The following SLC25A14 variants were observed in gnomAD, a reference collection of about 807,000 sequenced individuals.
SLC25A14 encodes the protein brain mitochondrial carrier protein 1.
SLC25A14 carries 8 observed loss-of-function variants against 28.1 expected under a neutral mutation model. The observed-to-expected ratio is 0.28, with a 90% CI of 0.17 to 0.51. The LOEUF is 0.51. Among genes scored for constraint, SLC25A14 ranks in the 20% least tolerant of loss-of-function variants. The pLI is 0.97. For missense variants in SLC25A14, 135 were observed against 263.8 expected, an observed-to-expected ratio of 0.51 and a Z score of 3.38; for synonymous variants, 74 against 90.6, an observed-to-expected ratio of 0.82 and a Z score of 1.04.
At chrX:130,369,388 C>A (rs1486905101) in intron 9 of SLC25A14, among the ~76,000 whole-genome samples, 1 of 112,097 alleles carries the variant, frequency 8.9e-6, no homozygotes, top group Non-Finnish European at 1.9e-5. Context: ...ATTTCTTGCA[C>A]CAGACACTGT....
Position 130,358,653 on chromosome X carries a change from C to T in SLC25A14, c.512C>T (p.Ala171Val). Residue 171 changes from alanine to valine, a missense_variant, in exon 7 of 11, where the codon GCT becomes GTT. Ala to Val is a moderately conservative substitution (Grantham distance 64, BLOSUM62 0). Coordinates refer to ENST00000545805, the MANE Select transcript of SLC25A14 (RefSeq NM_001282195.2). The part of the protein sequence containing the change: ...PTDVLKIRMQ[A>V]QGSLFQGSMI... The stretch of plus-strand genomic sequence containing the variant: ...TTTTCATTTTAGATTCGAATGCAGG[C>T]TCAAGGAAGCTTGTTCCAAGGGAGC... The T allele has an allele frequency of 8.3e-7, 1 of 1,201,016 alleles. No homozygotes were observed. The highest frequency in any genetic ancestry group is 1.1e-6 in the Non-Finnish European group (1 of 887,119).
At chrX:130,362,401 T>C (rs908465095) in intron 7 of SLC25A14, among the ~76,000 whole-genome samples, 6 of 110,498 alleles carry the variant, frequency 5.4e-5, no homozygotes, top group African/African-American at 2.0e-4. Context: ...CTGAAAACTT[T>C]TTAATATAGT....
At chrX:130,350,780 T>C (rs1409918803) in intron 6 of SLC25A14, 49 bp downstream of exon 6, 1 of 847,751 alleles carries the variant, frequency 1.2e-6, no homozygotes, top group Admixed American at 2.6e-5. Context: ...TTGAGTCAGA[T>C]TTGGGTTCAG....
At chrX:130,340,401 A>T (rs1185376502) in intron 2 of SLC25A14, 48 bp downstream of exon 2, 5 of 1,193,398 alleles carry the variant, frequency 4.2e-6, no homozygotes, top group Non-Finnish European at 5.7e-6. Context: ...CTGTTGAAAG[A>T]TGCTCCCCTT....
At chrX:130,357,940 A>C (rs906934294) in intron 6 of SLC25A14, among the ~76,000 whole-genome samples, 4 of 112,281 alleles carry the variant, frequency 3.6e-5, no homozygotes, top group Non-Finnish European at 7.5e-5. Context: ...CACATTTTTC[A>C]TTTTTATAAT....
intron 3 of SLC25A14, among the ~76,000 whole-genome samples, chrX:130,345,920 T>C (rs1269036361): frequency 9.0e-6 from 1 of 111,427 alleles, no homozygotes; most frequent in Non-Finnish European, 1.9e-5. Context: ...TTTGTTGATG[T>C]AAGAGGTTTG....
chrX:130,364,567 C>T, intron 7 of SLC25A14, 61 bp from the exon 8 acceptor site: 2 of 912,700 alleles, frequency 2.2e-6, no homozygotes, highest in Non-Finnish European at 3.1e-6. Context: ...CTATTTTGTT[C>T]ACTCTAAGAC....
At chrX:130,365,458 G>C (rs1603265503) in intron 8 of SLC25A14, 83 bp from the exon 9 acceptor site, 3 of 1,177,880 alleles carry the variant, frequency 2.5e-6, no homozygotes, top group African/African-American at 1.7e-5. Flanking sequence ...GAGTTATATT[G>C]TACAGTTTAC....
intron 7 of SLC25A14, among the ~76,000 whole-genome samples, chrX:130,362,736 G>A (rs1569455130): frequency 8.9e-6 from 1 of 112,053 alleles, no homozygotes; most frequent in Non-Finnish European, 1.9e-5. Context: ...CTTCAAAAAT[G>A]TGACTTTTAA....
intron 2 of SLC25A14, among the ~76,000 whole-genome samples, chrX:130,343,857 G>A (rs1267619946): frequency 8.9e-6 from 1 of 112,080 alleles, no homozygotes; most frequent in African/African-American, 3.2e-5. Flanking sequence ...CTATGATATA[G>A]TTTTTATTAT....
At chrX:130,369,070 GC>G (rs1217995765) in intron 9 of SLC25A14, among the ~76,000 whole-genome samples, 1 of 112,059 alleles carries the variant, frequency 8.9e-6, no homozygotes, top group Non-Finnish European at 1.9e-5. Flanking sequence ...TCACACAACT[GC>G]CTTATGCCAA....
intron 9 of SLC25A14, among the ~76,000 whole-genome samples, chrX:130,368,939 T>G (rs1192652137): frequency 1.8e-5 from 2 of 112,691 alleles, no homozygotes; most frequent in Non-Finnish European, 3.7e-5. Flanking sequence ...TTTACTCACT[T>G]GCTACTAAAA....
chrX:130,355,025 C>G (rs762184202), intron 6 of SLC25A14, among the ~76,000 whole-genome samples: 1 of 112,224 alleles, frequency 8.9e-6, no homozygotes, highest in African/African-American at 3.2e-5. Context: ...AAGTACGGGT[C>G]TCGATCCAGG....
chrX:130,367,145 G>A (rs182752815), intron 9 of SLC25A14, among the ~76,000 whole-genome samples: 87 of 112,074 alleles, frequency 7.8e-4, no homozygotes, highest in Non-Finnish European at 1.3e-3. Flanking sequence ...ACCACACTTG[G>A]AGAACCACTG....
intron 9 of SLC25A14, among the ~76,000 whole-genome samples, chrX:130,368,396 CCA>C (rs747251321): frequency 9.0e-6 from 1 of 111,536 alleles, no homozygotes; most frequent in East Asian, 2.8e-4. Context: ...AGAGGCCCCC[CCA>C]CACACACACA....
intron 9 of SLC25A14, among the ~76,000 whole-genome samples, chrX:130,366,454 G>A (rs961169061): frequency 8.9e-6 from 1 of 111,996 alleles, no homozygotes; most frequent in South Asian, 3.7e-4. Flanking sequence ...AGACTTATGT[G>A]TATTCGTTCA....
At chrX:130,368,430 A>T (rs944541250) in intron 9 of SLC25A14, among the ~76,000 whole-genome samples, 1 of 112,222 alleles carries the variant, frequency 8.9e-6, no homozygotes, top group African/African-American at 3.2e-5. Flanking sequence ...TGTTTGTCTT[A>T]TGTGCTAAGC....
chrX:130,370,552 T>C (rs1412485783), intron 9 of SLC25A14, among the ~76,000 whole-genome samples: 2 of 112,017 alleles, frequency 1.8e-5, no homozygotes, highest in African/African-American at 6.5e-5. Context: ...AAGACCCCTG[T>C]TGTATAAAGT....
intron 5 of SLC25A14, among the ~76,000 whole-genome samples, chrX:130,350,043 G>A (rs775186792): frequency 9.9e-4 from 110 of 110,978 alleles, no homozygotes; most frequent in Middle Eastern, 4.6e-3. Context: ...GTGAAGGAGC[G>A]GTAAAGATTG....
Sources: gnomAD v4.1 joint callset for allele counts (sites outside exome capture counted in the v4.1 genomes callset) on GRCh38, gnomAD v4.1.1 for gene constraint, MANE v1.5 for transcripts, NCBI Gene and HGNC (gene_info 2026-07-23, HGNC 2026-07-21) for gene names.